Variants in RYR3 observed in about 807,000 individuals in gnomAD.
RYR3 encodes the protein brain ryanodine receptor-calcium release channel.
RYR3 carries 207 observed loss-of-function variants against 584.3 expected under a neutral mutation model. That is an observed-to-expected ratio of 0.35 (90% CI 0.32 to 0.40). RYR3 has a LOEUF of 0.40. Ranked by LOEUF, RYR3 falls within the 10% of genes least tolerant of loss-of-function variation. RYR3 has a pLI of 1.00. For synonymous variants in RYR3, 2,416 were observed against 2,248.5 expected (o/e 1.07, Z -2.11); for missense variants, 5,616 against 6,089.2 (o/e 0.92, Z 2.59).
At chr15:33,578,826 A>G (rs2058448420) in intron 12 of RYR3, among the ~76,000 whole-genome samples, 2 of 151,990 alleles carry the variant, frequency 1.3e-5, no homozygotes, top group African/African-American at 2.4e-5. Flanking sequence ...CATTGAGCCA[A>G]TTCTCAATCA....
At chr15:33,862,652 C>A (rs1888758248) in intron 102 of RYR3, among the ~76,000 whole-genome samples, 1 of 152,036 alleles carries the variant, frequency 6.6e-6, no homozygotes, top group Non-Finnish European at 1.5e-5. Context: ...TCTCTGTCAC[C>A]CAGGCTGAAG....
chr15:33,653,524 G>T (rs1435684503), intron 32 of RYR3, among the ~76,000 whole-genome samples: 1 of 152,026 alleles, frequency 6.6e-6, no homozygotes, highest in East Asian at 1.9e-4. Flanking sequence ...CAAAAAATTA[G>T]CCGAGCGTGG....
chr15:33,839,921 A>G (rs2078254119), intron 89 of RYR3: 1 of 152,222 alleles, frequency 6.6e-6, no homozygotes, highest in African/African-American at 2.4e-5. Flanking sequence ...GATACATAAT[A>G]GGGTCCCATT....
chr15:33,463,004 C>G (rs1315307849), intron 1 of RYR3, among the ~76,000 whole-genome samples: 1 of 151,898 alleles, frequency 6.6e-6, no homozygotes, highest in Non-Finnish European at 1.5e-5. Context: ...AACCCCGTCT[C>G]TACAAAAAAA....
chr15:33,548,938 C>A (rs1595542689), intron 9 of RYR3, among the ~76,000 whole-genome samples: 1 of 152,140 alleles, frequency 6.6e-6, no homozygotes, highest in East Asian at 1.9e-4. Context: ...CTCAGTCTCC[C>A]CCCGAAAATA....
chr15:33,682,230 A>G (rs532501526), intron 38 of RYR3, among the ~76,000 whole-genome samples: 37 of 152,330 alleles, frequency 2.4e-4, no homozygotes, highest in African/African-American at 8.7e-4. Context: ...GCAATAAACA[A>G]CTTAACAATG....
chr15:33,747,217 C>T (rs573242492), intron 53 of RYR3, among the ~76,000 whole-genome samples: 6 of 152,146 alleles, frequency 3.9e-5, no homozygotes, highest in African/African-American at 1.4e-4. Flanking sequence ...AATTAATTAA[C>T]GTATTTGGTT....
chr15:33,446,767 C>T (rs766764614), intron 1 of RYR3, among the ~76,000 whole-genome samples: 31 of 152,222 alleles, frequency 2.0e-4, no homozygotes, highest in Non-Finnish European at 3.8e-4. Flanking sequence ...GTATCCCAAT[C>T]TTAATTAGTT....
At chr15:33,450,087 TAA>T (rs10647466) in intron 1 of RYR3, among the ~76,000 whole-genome samples, 9 of 67,336 alleles carry the variant, frequency 1.3e-4, no homozygotes, top group Admixed American at 4.4e-4. Flanking sequence ...CATTAATACC[TAA>T]AAAAAAAAAA....
At position 33,842,472 on chromosome 15, in the gene RYR3, G is replaced by C. The variant is rs185057691; in HGVS notation, c.13209+437G>C. On this transcript the variant is annotated intron_variant, in intron 91 of 103. Coordinates refer to ENST00000634891, the MANE Select transcript of RYR3 (RefSeq NM_001036.6). ...CTTGATTGTTCTATATGCAATCAAA[G>C]CTTAGAACAGCTTGTAATATTCTTT... Among the ~76,000 whole-genome samples the C allele has an allele frequency of 2.8e-3, 422 of 152,360 alleles. 2 individuals are homozygous for C. The highest frequency in any genetic ancestry group is 4.8e-3 in the Admixed American group (73 of 15,310).
intron 2 of RYR3, among the ~76,000 whole-genome samples, chr15:33,501,316 A>G (rs1292276379): frequency 1.3e-5 from 2 of 152,154 alleles, no homozygotes; most frequent in Non-Finnish European, 2.9e-5. Flanking sequence ...TCCTGTCTCA[A>G]ACCAGACACA....
Position 33,810,473 on chromosome 15 carries a change from T to C in RYR3, c.10027-6T>C, listed in dbSNP as rs760446753. The C allele has an allele frequency of 3.7e-6, 6 of 1,613,880 alleles. No individual in the cohort carries two copies. The South Asian group carries it at 6.6e-5, about 18-fold the overall frequency. Reference sequence around the variant, plus strand: ...CCTCTCTGTTTATTTCAACATCATCTCCTAGTCTGGAGGACAAGACCAGGA... The same window carrying C: ...CCTCTCTGTTTATTTCAACATCATCCCCTAGTCTGGAGGACAAGACCAGGA... On this transcript the variant is annotated splice_polypyrimidine_tract_variant and splice_region_variant and intron_variant, in intron 70 of 103. Transcript: ENST00000634891.
Position 33,670,412 on chromosome 15 carries a change from T to A in RYR3, c.5723-7T>A, listed in dbSNP as rs1313446066. 9.9e-6 allele frequency: 16 copies of A among 1,612,938 alleles called. No homozygotes were observed. Among genetic ancestry groups the A allele is most frequent in the Non-Finnish European group, 1.4e-5 (16 of 1,179,634 alleles). On this transcript the variant is annotated splice_region_variant and splice_polypyrimidine_tract_variant and intron_variant, in intron 37 of 103. Transcript: ENST00000634891. ...TTGGATTTTCACCCTGTTCTGTGGC[T>A]TGCTAGGGGTTCCTTTGGAAGAAGA...
chr15:33,559,373 G>C (rs1346688938), intron 10 of RYR3, among the ~76,000 whole-genome samples: 1 of 152,146 alleles, frequency 6.6e-6, no homozygotes, highest in African/African-American at 2.4e-5. Context: ...GAGAGGCTTA[G>C]GAAAACAAAG....
intron 20 of RYR3, among the ~76,000 whole-genome samples, chr15:33,627,070 C>T (rs1020290353): frequency 6.6e-6 from 1 of 152,154 alleles, no homozygotes; most frequent in African/African-American, 2.4e-5. Context: ...CCACCAGCAG[C>T]TTGCACCATG....
In RYR3 at chr15:33,750,146, C is replaced by T. The variant is rs1307796826; in HGVS notation, c.8276-17C>T. On this transcript the variant is annotated splice_polypyrimidine_tract_variant and intron_variant, in intron 56 of 103. Transcript: ENST00000634891. Reference sequence around the variant, plus strand: ...AAAGGAAGAGCCAAATGTCATCTCTCACCTTACTGACCCCAGGTGGTGGCA... The same window carrying T: ...AAAGGAAGAGCCAAATGTCATCTCTTACCTTACTGACCCCAGGTGGTGGCA... 2 of 1,608,504 alleles carry T rather than the reference C, an allele frequency of 1.2e-6. No homozygotes were observed. Among genetic ancestry groups the T allele is most frequent in the East Asian group, 2.2e-5 (1 of 44,702 alleles).
At chr15:33,475,854 T>C (rs2049325021) in intron 2 of RYR3, among the ~76,000 whole-genome samples, 1 of 152,266 alleles carries the variant, frequency 6.6e-6, no homozygotes, top group African/African-American at 2.4e-5. Context: ...CCACTGGTTA[T>C]TATGATTTCA....
Position 33,652,747 on chromosome 15 carries a change from G to T in RYR3, c.4172G>T (p.Trp1391Leu), listed in dbSNP as rs2062560335. 2 of 1,613,740 alleles carry T rather than the reference G, an allele frequency of 1.2e-6. No homozygotes were observed. The highest frequency in any genetic ancestry group is 1.7e-6 in the Non-Finnish European group (2 of 1,179,782). Residue 1391 changes from tryptophan (W) to leucine (L), a missense_variant, in exon 32 of 104, where the codon TGG becomes TTG. Physicochemically the swap from Trp to Leu is moderately conservative, Grantham distance 61 (BLOSUM62 -2). Coordinates refer to ENST00000634891, the MANE Select transcript of RYR3 (RefSeq NM_001036.6). ...SVKRSNCYMV[W>L]GGDIVASSQR... ...AAACGCAGCAACTGCTACATGGTCT[G>T]GGGTGGAGACATTGTAGCCAGTTCC...
chr15:33,540,191 G>A (rs933988525), intron 6 of RYR3, among the ~76,000 whole-genome samples: 2 of 152,158 alleles, frequency 1.3e-5, no homozygotes, highest in Admixed American at 6.5e-5. Flanking sequence ...TTTAGCTCTT[G>A]TTTAGGGAAG....
Sources: gnomAD v4.1 joint callset for allele counts (sites outside exome capture counted in the v4.1 genomes callset) on GRCh38, gnomAD v4.1.1 for gene constraint, MANE v1.5 for transcripts, NCBI Gene and HGNC (gene_info 2026-07-23, HGNC 2026-07-21) for gene names.